The following SLCO1C1 variants were observed in gnomAD, a reference collection of about 807,000 sequenced individuals.
SLCO1C1 encodes the protein OAT-RP-5.
Under a neutral mutation model 76.4 loss-of-function variants are expected in SLCO1C1, and 70 were observed. The observed-to-expected ratio is 0.92, with a 90% CI of 0.76 to 1.12. SLCO1C1 has a LOEUF of 1.12. SLCO1C1 is among the 50% of genes most tolerant of loss of function. The pLI is 0.00. For synonymous variants in SLCO1C1, 306 were observed against 286.1 expected (o/e 1.07, Z -0.70); for missense variants, 912 against 823.8 (o/e 1.11, Z -1.31).
chr12:20,715,311 A>G (rs1312547722), intron 6 of SLCO1C1, 26 bp downstream of exon 6: 4 of 1,610,048 alleles, frequency 2.5e-6, no homozygotes, highest in African/African-American at 1.3e-5. Context: ...TGCTTCACTT[A>G]TCTTCTTGGG....
At chr12:20,732,786 C>A in intron 9 of SLCO1C1, 123 bp from the exon 10 acceptor site, 1 of 967,230 alleles carries the variant, frequency 1.0e-6, no homozygotes, top group Non-Finnish European at 1.5e-6. Flanking sequence ...TTGTATATGT[C>A]AGTAGATGAT....
intron 5 of SLCO1C1, among the ~76,000 whole-genome samples, chr12:20,713,158 C>A (rs1047698410): frequency 6.7e-6 from 1 of 150,262 alleles, no homozygotes; most frequent in Non-Finnish European, 1.5e-5. Context: ...CGGCTCACTG[C>A]AAGCTCCGCC....
chr12:20,733,055 C>T lies in SLCO1C1; in HGVS notation c.1333C>T (p.Leu445=). ...GYLLFLSLFA[L]GCENSDVAGL... ...CCTCCTATTTCTTTCCCTGTTTGCA[C>T]TGGGCTGTGAAAATTCTGATGTGGC... The change falls in exon 10 of 15, where the codon CTG becomes TTG. Residue 445 remains leucine (L), a synonymous_variant. Transcript: ENST00000266509. 1 of 1,609,898 alleles carries T rather than the reference C, an allele frequency of 6.2e-7. No homozygotes were observed. Among genetic ancestry groups the T allele is most frequent in the Non-Finnish European group, 8.5e-7 (1 of 1,178,340 alleles).
chr12:20,740,787 TTATATA>T (rs71039980), intron 12 of SLCO1C1, among the ~76,000 whole-genome samples: 10 of 75,078 alleles, frequency 1.3e-4, no homozygotes, highest in Middle Eastern at 0.013. Context: ...TTTATTTTAT[TTATATA>T]TATATATATA....
At chr12:20,719,634 C>T (rs973197191) in intron 7 of SLCO1C1, among the ~76,000 whole-genome samples, 2 of 152,164 alleles carry the variant, frequency 1.3e-5, no homozygotes, top group African/African-American at 4.8e-5. Context: ...CCAGCCACAA[C>T]ATTTCCTTAA....
intron 5 of SLCO1C1, among the ~76,000 whole-genome samples, chr12:20,713,083 CTT>C (rs71039973): frequency 7.0e-6 from 1 of 142,566 alleles, no homozygotes; most frequent in Non-Finnish European, 1.5e-5. Flanking sequence ...AAGATGTTTT[CTT>C]TTTTTTTTTT....
intron 1 of SLCO1C1, among the ~76,000 whole-genome samples, chr12:20,696,469 C>G (rs1426757356): frequency 6.6e-6 from 1 of 152,098 alleles, no homozygotes; most frequent in African/African-American, 2.4e-5. Context: ...TAACTACAAC[C>G]TTCCTAAGCC....
intron 9 of SLCO1C1, among the ~76,000 whole-genome samples, chr12:20,727,624 T>C (rs1338726186): frequency 5.3e-5 from 8 of 152,256 alleles, no homozygotes; most frequent in Admixed American, 3.9e-4. Flanking sequence ...ATTCTCCTGC[T>C]TCAGCTTCCC....
intron 8 of SLCO1C1, 25 bp downstream of exon 8, chr12:20,722,074 G>A (rs1287138301): frequency 1.2e-6 from 2 of 1,602,302 alleles, no homozygotes. Flanking sequence ...TGATTTTGAA[G>A]TATTTTCATT....
chr12:20,699,012 A>G (rs924250490), intron 1 of SLCO1C1, among the ~76,000 whole-genome samples: 2 of 152,084 alleles, frequency 1.3e-5, no homozygotes, highest in African/African-American at 4.8e-5. Context: ...TTATCAAACA[A>G]AAACAATACA....
At chr12:20,708,635 A>G (rs986631396) in intron 4 of SLCO1C1, among the ~76,000 whole-genome samples, 3 of 152,184 alleles carry the variant, frequency 2.0e-5, no homozygotes, top group African/African-American at 7.2e-5. Context: ...GCCTAAGTGA[A>G]CAGTGAAGGC....
At chr12:20,748,519 T>C (rs1011234550) in intron 13 of SLCO1C1, among the ~76,000 whole-genome samples, 2 of 152,254 alleles carry the variant, frequency 1.3e-5, no homozygotes, top group East Asian at 1.9e-4. Flanking sequence ...AAATTCAACA[T>C]TGATATGCTA....
At chr12:20,719,636 T>C (rs958287007) in intron 7 of SLCO1C1, among the ~76,000 whole-genome samples, 1 of 152,160 alleles carries the variant, frequency 6.6e-6, no homozygotes. Context: ...AGCCACAACA[T>C]TTCCTTAAGC....
chr12:20,725,532 A>G lies in SLCO1C1; in HGVS notation c.1186+2278A>G, dbSNP rs920391150. Among the ~76,000 whole-genome samples, 6 of 147,752 alleles carry G rather than the reference A, an allele frequency of 4.1e-5. No homozygotes were observed. The East Asian group carries it at 1.2e-3, about 29-fold the overall frequency. On this transcript the variant is annotated intron_variant, in intron 9 of 14. Transcript: ENST00000266509. Reference sequence around the variant, plus strand: ...GCAGAAAACAACATTCCACATGTACATTGGTGGGCCACTATGCTCATTTTT... The same window carrying G: ...GCAGAAAACAACATTCCACATGTACGTTGGTGGGCCACTATGCTCATTTTT...
At chr12:20,743,978 A>T (rs1160532952) in intron 13 of SLCO1C1, among the ~76,000 whole-genome samples, 10 of 152,008 alleles carry the variant, frequency 6.6e-5, no homozygotes, top group African/African-American at 2.4e-4. Flanking sequence ...ATATTAAAAA[A>T]TAAAATAATT....
chr12:20,740,797 ATATATATATATATATATATATG>A, intron 12 of SLCO1C1, among the ~76,000 whole-genome samples: 3 of 121,982 alleles, frequency 2.5e-5, no homozygotes, highest in South Asian at 2.9e-4. Flanking sequence ...TTATATATAT[ATATATATATATATATATATATG>A]GCTTTATCTG....
At chr12:20,698,815 G>A (rs1189732556) in intron 1 of SLCO1C1, among the ~76,000 whole-genome samples, 1 of 152,008 alleles carries the variant, frequency 6.6e-6, no homozygotes, top group Admixed American at 6.6e-5. Context: ...TAAAGAAGTA[G>A]GGGCACAGGA....
chr12:20,749,351 TTGTG>T (rs1316524406), intron 13 of SLCO1C1, among the ~76,000 whole-genome samples: 1 of 152,128 alleles, frequency 6.6e-6, no homozygotes, highest in Admixed American at 6.6e-5. Flanking sequence ...CTGTATGGAC[TTGTG>T]GTGGACTCCA....
At chr12:20,748,240 T>C (rs1407769752) in intron 13 of SLCO1C1, among the ~76,000 whole-genome samples, 1 of 152,126 alleles carries the variant, frequency 6.6e-6, no homozygotes, top group Non-Finnish European at 1.5e-5. Context: ...TCTCTCCCAT[T>C]TGTTGCGAAA....
Sources: gnomAD v4.1 joint callset for allele counts (sites outside exome capture counted in the v4.1 genomes callset) on GRCh38, gnomAD v4.1.1 for gene constraint, MANE v1.5 for transcripts, NCBI Gene and HGNC (gene_info 2026-07-23, HGNC 2026-07-21) for gene names.